Variants in PLEKHH1 observed in about 807,000 individuals in gnomAD.
PLEKHH1 encodes the protein pleckstrin homology domain-containing family H member 1.
In PLEKHH1, 104 loss-of-function variants were observed where a neutral mutation model predicts 160.0. The ratio of observed to expected loss-of-function variants is 0.65; its 90% CI spans 0.55 to 0.76. The LOEUF is 0.76. PLEKHH1 is among the 30% of genes least tolerant of loss of function. PLEKHH1 has a pLI of 0.00. For synonymous variants in PLEKHH1, 619 were observed against 678.4 expected, an observed-to-expected ratio of 0.91 and a Z score of 1.36; for missense variants, 1,427 against 1,724.1, an observed-to-expected ratio of 0.83 and a Z score of 3.05.
At position 67,587,196 on chromosome 14, in the gene PLEKHH1, TTC is replaced by T. The variant is rs1173915132; in HGVS notation, c.4058_4059del (p.Ser1353CysfsTer36). 2 of 1,613,940 alleles carry T rather than the reference TTC, an allele frequency of 1.2e-6. No homozygotes were observed. Among genetic ancestry groups the T allele is most frequent in the South Asian group, 1.1e-5 (1 of 91,078 alleles). ...AACTGGATGGACGACAGTTCTTTTCTTCTGTTTCCTGTGCTACCAAGGGGCCA... is the reference window on the plus strand; with the variant it reads ...AACTGGATGGACGACAGTTCTTTTCTTGTTTCCTGTGCTACCAAGGGGCCA... Reference protein sequence around the residue: ...WELDGRQFFSSVSCATKGPTL... With the variant: ...WELDGRQFFSXVSCATKGPTL... On this transcript the variant is annotated frameshift_variant, in exon 29 of 29. Transcript: ENST00000329153. LOFTEE classifies it high-confidence loss of function.
intron 2 of PLEKHH1, among the ~76,000 whole-genome samples, chr14:67,551,926 G>A (rs549133596): frequency 2.0e-4 from 30 of 152,212 alleles, no homozygotes; most frequent in East Asian, 3.9e-4. Flanking sequence ...ATTGAGACCC[G>A]GGATGGTGTG....
rs1044431765 is a variant in PLEKHH1, at chr14:67,588,114, C to T, written c.*879C>T. On this transcript the variant is annotated 3_prime_UTR_variant, in exon 29 of 29. Transcript: ENST00000329153. ...TTTGCAGGATAACATGCTATACCTG[C>T]TAAGATTCAAGCTGTTTTCCTCACA... 1.3e-5 allele frequency: 2 copies of T among 152,612 alleles called. No homozygotes were observed. Among genetic ancestry groups the T allele is most frequent in the African/African-American group, 4.8e-5 (2 of 41,434 alleles). 9.5% of individuals were successfully genotyped at this position (152,612 alleles called of 1,614,324 possible).
intron 2 of PLEKHH1, among the ~76,000 whole-genome samples, chr14:67,545,387 G>A (rs368699990): frequency 6.6e-6 from 1 of 152,158 alleles, no homozygotes; most frequent in African/African-American, 2.4e-5. Flanking sequence ...AGAGAGGATA[G>A]ATAATAGGGA....
intron 7 of PLEKHH1, among the ~76,000 whole-genome samples, chr14:67,566,224 G>A (rs958941448): frequency 1.3e-5 from 2 of 152,164 alleles, no homozygotes; most frequent in African/African-American, 4.8e-5. Context: ...AAGGACACCT[G>A]TAAGACTGGA....
chr14:67,547,175 C>T lies in PLEKHH1; in HGVS notation c.126+5182C>T, dbSNP rs556247033. Among the ~76,000 whole-genome samples, 274 of 152,126 alleles carry T rather than the reference C, an allele frequency of 1.8e-3. 2 individuals are homozygous for T. The highest frequency in any genetic ancestry group is 1.1e-3 in the Non-Finnish European group (77 of 67,996). On this transcript the variant is annotated intron_variant, in intron 2 of 28. Transcript: ENST00000329153. ...TCAAGAAAGGGGAAAGGCATAGACA[C>T]GGGAGGAACAACTGGGCATGTGGGA...
chr14:67,572,395 G>A, intron 11 of PLEKHH1, 118 bp downstream of exon 11: 1 of 379,628 alleles, frequency 2.6e-6, no homozygotes. Flanking sequence ...AGAGCTGGGG[G>A]ATGGGGGCAG....
intron 2 of PLEKHH1, among the ~76,000 whole-genome samples, chr14:67,554,819 C>T (rs962981048): frequency 7.9e-5 from 12 of 152,172 alleles, no homozygotes; most frequent in African/African-American, 2.7e-4. Flanking sequence ...AACTTCAGTC[C>T]CTTTGCTTGG....
rs779108296 is a variant in PLEKHH1, at chr14:67,542,004, C to T, written c.126+11C>T. The T allele has an allele frequency of 1.3e-6, 2 of 1,597,274 alleles. No individual in the cohort carries two copies. Among genetic ancestry groups the T allele is most frequent in the South Asian group, 1.1e-5 (1 of 87,966 alleles). On this transcript the variant is annotated intron_variant, in intron 2 of 28. Transcript: ENST00000329153. Reference sequence around the variant, plus strand: ...CTGCTGGCTGACAAGGTGAGTCCCTCAGAGCAGGGAGCTGCCTCTCCACAC... The same window carrying T: ...CTGCTGGCTGACAAGGTGAGTCCCTTAGAGCAGGGAGCTGCCTCTCCACAC...
chr14:67,585,718 T>C, intron 27 of PLEKHH1, 64 bp downstream of exon 27: 1 of 1,263,630 alleles, frequency 7.9e-7, no homozygotes, highest in Non-Finnish European at 1.1e-6. Flanking sequence ...TTTCTTCTCC[T>C]CTGTGGACTC....
At position 67,576,300 on chromosome 14, in the gene PLEKHH1, A is replaced by C. The variant is rs2035619568; in HGVS notation, c.2353-95A>C. On this transcript the variant is annotated intron_variant, in intron 16 of 28. Transcript: ENST00000329153. This position sits in a 1 kb window ranked among gnomAD's most constrained non-coding sequence, Gnocchi z 4.0. ...ATGCCAACCAAACTAGCTGAACCCCACATGGGCTTGGTCCCTTCAAGGAGT... is the reference window on the plus strand; with the variant it reads ...ATGCCAACCAAACTAGCTGAACCCCCCATGGGCTTGGTCCCTTCAAGGAGT... 1.5e-6 allele frequency: 1 copy of C among 684,862 alleles called. No individual in the cohort carries two copies. Among genetic ancestry groups the C allele is most frequent in the African/African-American group, 1.8e-5 (1 of 55,796 alleles). 42.4% of individuals were successfully genotyped at this position (684,862 alleles called of 1,614,324 possible).
chr14:67,539,923 G>A (rs773160940), intron 1 of PLEKHH1, among the ~76,000 whole-genome samples: 18 of 152,174 alleles, frequency 1.2e-4, no homozygotes, highest in Non-Finnish European at 2.1e-4. Context: ...GCTACTTGTA[G>A]TGTATGATGG....
At chr14:67,577,262 T>A (rs759054934) in intron 17 of PLEKHH1, 40 bp from the exon 18 acceptor site, 86 of 1,309,810 alleles carry the variant, frequency 6.6e-5, no homozygotes, top group Non-Finnish European at 8.8e-5. Flanking sequence ...CCCCTCTCAG[T>A]AGTAACTGCC....
Position 67,581,125 on chromosome 14 carries a change from C to T in PLEKHH1, c.3284+87C>T, listed in dbSNP as rs1054637096. 8.4e-5 allele frequency: 70 copies of T among 831,256 alleles called. No homozygotes were observed. In the African/African-American group the frequency reaches 1.1e-3, roughly 13 times the overall value. The allele number at this position is 831,256 out of a possible 1,614,324, so 51.5% of individuals were successfully genotyped here. On this transcript the variant is annotated intron_variant, in intron 23 of 28. Transcript: ENST00000329153. ...CGCCTCCTCGACTAGACAGCCTATC[C>T]AGACGGGGGGAGGGACCCACAGATA...
intron 7 of PLEKHH1, among the ~76,000 whole-genome samples, chr14:67,566,711 T>C (rs913306951): frequency 1.3e-5 from 2 of 149,042 alleles, no homozygotes; most frequent in Non-Finnish European, 3.0e-5. Context: ...ATCTTGCCAC[T>C]GTACTCCAGC....
intron 6 of PLEKHH1, 39 bp from the exon 7 acceptor site, chr14:67,562,098 C>T (rs541782676): frequency 6.2e-6 from 10 of 1,611,184 alleles, no homozygotes; most frequent in South Asian, 2.2e-5. Flanking sequence ...GGCTGAGCTA[C>T]GGGAGCTCTC....
Position 67,579,214 on chromosome 14 carries a change from C to A in PLEKHH1, c.2930C>A (p.Pro977Gln). ...CGGACCGGGGAGCGGGAAGCCAGGCCATCGCGCATGGAAGTGGTGTCCATC... is the reference window on the plus strand; with the variant it reads ...CGGACCGGGGAGCGGGAAGCCAGGCAATCGCGCATGGAAGTGGTGTCCATC... ...TLRTGEREAR[P>Q]SRMEVVSILL... Residue 977 changes from proline to glutamine, a missense_variant, in exon 21 of 29, where the codon CCA becomes CAA. This residue lies in a region of PLEKHH1 where 436 missense variants were observed against 607.5 expected (regional missense o/e 0.72). Transcript: ENST00000329153. 1 of 1,611,618 alleles carries A rather than the reference C, an allele frequency of 6.2e-7. No individual in the cohort carries two copies.
intron 9 of PLEKHH1, chr14:67,570,220 C>T (rs900664371): frequency 1.1e-5 from 4 of 379,892 alleles, no homozygotes; most frequent in South Asian, 1.1e-4. Flanking sequence ...TCAGTATGAA[C>T]GTGGACAAGG....
At chr14:67,533,471 G>A (rs1426133207) in intron 1 of PLEKHH1, 73 bp downstream of exon 1, 2 of 151,982 alleles carry the variant, frequency 1.3e-5, no homozygotes, top group African/African-American at 4.8e-5. Flanking sequence ...GGCTGCGCGC[G>A]GGGGACGGCC....
chr14:67,571,887 C>T lies in PLEKHH1; in HGVS notation c.1570C>T (p.Arg524Trp), dbSNP rs760065706. Reference protein sequence around the residue: ...SRKTSGLGSPRAIKRGVSMSS... With the variant: ...SRKTSGLGSPWAIKRGVSMSS... ...GAAGACCAGCGGACTAGGCAGCCCCCGGGCCATCAAGAGAGGTACAGAGAA... is the reference window on the plus strand; with the variant it reads ...GAAGACCAGCGGACTAGGCAGCCCCTGGGCCATCAAGAGAGGTACAGAGAA... The change falls in exon 10 of 29, where the codon CGG becomes TGG. Residue 524 changes from arginine to tryptophan, a missense_variant. By Grantham distance (101) the Arg-to-Trp change is moderately radical. This residue lies in a region of PLEKHH1 where 831 missense variants were observed against 929.2 expected (regional missense o/e 0.89). Transcript: ENST00000329153. 2.4e-5 allele frequency: 39 copies of T among 1,610,500 alleles called. No homozygotes were observed. The East Asian group carries it at 3.1e-4, about 13-fold the overall frequency.
Sources: gnomAD v4.1 joint callset for allele counts (sites outside exome capture counted in the v4.1 genomes callset) on GRCh38, gnomAD v4.1.1 for gene constraint, gnomAD v4.1.1 regional missense constraint, Gnocchi (gnomAD v3.1) non-coding constraint, MANE v1.5 for transcripts, NCBI Gene and HGNC (gene_info 2026-07-23, HGNC 2026-07-21) for gene names.